Variants in TRAPPC9 observed in about 807,000 individuals in gnomAD.
TRAPPC9 encodes trafficking protein particle complex subunit 9, also known as IKK2 binding protein.
Under a neutral mutation model 124.0 loss-of-function variants are expected in TRAPPC9, and 83 were observed. That is an observed-to-expected ratio of 0.67 (90% CI 0.56 to 0.80). TRAPPC9 has a LOEUF of 0.80. Ranked by LOEUF, TRAPPC9 falls within the 30% of genes least tolerant of loss-of-function variation. TRAPPC9 has a pLI of 0.00. For missense variants in TRAPPC9, 1,302 were observed against 1,508.3 expected (o/e 0.86, Z 2.27); for synonymous variants, 638 against 617.5 (o/e 1.03, Z -0.49).
At chr8:139,756,426 C>T (rs1819786625) in intron 21 of TRAPPC9, among the ~76,000 whole-genome samples, 1 of 125,582 alleles carries the variant, frequency 8.0e-6, no homozygotes. Context: ...CAGGAGGAGC[C>T]AGGGTTTGGG....
intron 8 of TRAPPC9, among the ~76,000 whole-genome samples, chr8:140,360,536 T>C (rs1469439360): frequency 2.0e-5 from 3 of 152,124 alleles, no homozygotes; most frequent in Non-Finnish European, 4.4e-5. Context: ...AAAATACTCA[T>C]ATTTGAAGGG....
At chr8:140,163,429 C>A (rs905824903) in intron 17 of TRAPPC9, among the ~76,000 whole-genome samples, 1 of 152,216 alleles carries the variant, frequency 6.6e-6, no homozygotes, top group Admixed American at 6.5e-5. Context: ...ATTCTGTGTC[C>A]AGTTTTCTGG....
At chr8:140,138,351 T>G (rs974925907) in intron 17 of TRAPPC9, among the ~76,000 whole-genome samples, 6 of 152,002 alleles carry the variant, frequency 3.9e-5, no homozygotes, top group Admixed American at 6.6e-5. Context: ...AATCCTGGAG[T>G]GTACTAAACT....
intron 16 of TRAPPC9, among the ~76,000 whole-genome samples, chr8:140,222,156 T>A: frequency 6.6e-6 from 1 of 152,022 alleles, no homozygotes; most frequent in South Asian, 2.1e-4. Flanking sequence ...CTGGAATGAG[T>A]TCCCCTCCCT....
At chr8:139,760,621 T>TGA (rs1820155137) in intron 21 of TRAPPC9, among the ~76,000 whole-genome samples, 1 of 152,230 alleles carries the variant, frequency 6.6e-6, no homozygotes, top group South Asian at 2.1e-4. Context: ...CTGATCACCC[T>TGA]CCGTATCTGA....
intron 17 of TRAPPC9, among the ~76,000 whole-genome samples, chr8:140,156,909 T>A (rs2061640612): frequency 6.6e-6 from 1 of 152,086 alleles, no homozygotes; most frequent in Non-Finnish European, 1.5e-5. Flanking sequence ...CAGAAAGCTA[T>A]TGTGCTGCAG....
chr8:140,310,746 G>A (rs942834194), intron 10 of TRAPPC9, among the ~76,000 whole-genome samples: 5 of 152,028 alleles, frequency 3.3e-5, no homozygotes, highest in Non-Finnish European at 5.9e-5. Context: ...GAGCATGAAG[G>A]AACAAGGGAG....
At chr8:140,283,810 G>C in intron 14 of TRAPPC9, 79 bp downstream of exon 14, 1 of 1,458,146 alleles carries the variant, frequency 6.9e-7, no homozygotes, top group Non-Finnish European at 9.6e-7. Context: ...GGCTCTTTGT[G>C]CCATTAAAAA....
intron 21 of TRAPPC9, among the ~76,000 whole-genome samples, chr8:139,826,474 T>C (rs1825648664): frequency 6.8e-6 from 1 of 147,838 alleles, no homozygotes; most frequent in South Asian, 2.2e-4. Flanking sequence ...GCAGGGTCGG[T>C]GCCTGGGGGG....
rs377177566 is a variant in TRAPPC9 at position 139,804,383 on chromosome 8, C to G, written c.3056-72181G>C. On this transcript the variant is annotated intron_variant, in intron 21 of 22. Coordinates refer to ENST00000438773, the MANE Select transcript of TRAPPC9 (RefSeq NM_001160372.4). ...CACCACCACCACTCACCACCACCAC[C>G]AAACACCACCACCACACACACAACC... 3.8e-4 allele frequency among the ~76,000 whole-genome samples: 51 copies of G among 134,170 alleles called. 1 individual carries two copies. The highest frequency in any genetic ancestry group is 1.4e-3 in the African/African-American group (49 of 34,996). 88.0% of individuals were successfully genotyped at this position (134,170 alleles called of 152,430 possible). A position where few individuals can be genotyped will look rare whatever the true frequency, so the allele number is the denominator to read the frequency against.
intron 18 of TRAPPC9, among the ~76,000 whole-genome samples, chr8:139,990,551 C>G (rs1837571736): frequency 1.3e-5 from 2 of 152,066 alleles, no homozygotes; most frequent in African/African-American, 4.8e-5. Context: ...GGCGTGTGAC[C>G]TGCTCTCAGG....
chr8:139,791,022 G>C (rs1432181556), intron 21 of TRAPPC9, among the ~76,000 whole-genome samples: 2 of 152,128 alleles, frequency 1.3e-5, no homozygotes, highest in Non-Finnish European at 2.9e-5. Flanking sequence ...ATACTGCCAT[G>C]CTTCCTGGAC....
chr8:140,106,614 G>C (rs900369359), intron 17 of TRAPPC9, among the ~76,000 whole-genome samples: 3 of 152,140 alleles, frequency 2.0e-5, no homozygotes, highest in Non-Finnish European at 4.4e-5. Flanking sequence ...CAGTGAGGTA[G>C]GACAGGGAAA....
intron 17 of TRAPPC9, among the ~76,000 whole-genome samples, chr8:140,032,022 A>G (rs940910447): frequency 6.6e-6 from 1 of 152,184 alleles, no homozygotes; most frequent in African/African-American, 2.4e-5. Flanking sequence ...GCCCAGTGCC[A>G]TAGACCACAG....
chr8:139,856,993 A>G (rs1290506828), intron 21 of TRAPPC9, among the ~76,000 whole-genome samples: 1 of 152,032 alleles, frequency 6.6e-6, no homozygotes, highest in African/African-American at 2.4e-5. Context: ...GGTCTGAGAG[A>G]GGAAGCAGGG....
chr8:139,793,338 C>G (rs981934509), intron 21 of TRAPPC9, among the ~76,000 whole-genome samples: 1 of 152,316 alleles, frequency 6.6e-6, no homozygotes, highest in African/African-American at 2.4e-5. Flanking sequence ...GTGTGCCCTG[C>G]ACTACTTGAT....
In TRAPPC9 at chr8:140,276,511, C is replaced by T. The variant is rs575044515; in HGVS notation, c.2115-690G>A. Among the ~76,000 whole-genome samples the T allele has an allele frequency of 2.0e-5, 3 of 152,254 alleles. No homozygotes were observed. The South Asian group carries it at 6.2e-4, about 32-fold the overall frequency. Reference sequence around the variant, plus strand: ...CGTGCAACACAGAAGCCAGGGCCTCCCCGAGGCTCCTGCACTCAAGCTCTC... The same window carrying T: ...CGTGCAACACAGAAGCCAGGGCCTCTCCGAGGCTCCTGCACTCAAGCTCTC... On this transcript the variant is annotated intron_variant, in intron 14 of 22. Transcript: ENST00000438773.
At chr8:140,349,757 C>T (rs956295509) in intron 9 of TRAPPC9, among the ~76,000 whole-genome samples, 18 of 152,182 alleles carry the variant, frequency 1.2e-4, no homozygotes, top group African/African-American at 3.9e-4. Context: ...TCCAGCAGTG[C>T]CCCTTAAAGC....
chr8:140,129,005 TA>T (rs778829123), intron 17 of TRAPPC9, among the ~76,000 whole-genome samples: 224 of 134,688 alleles, frequency 1.7e-3, no homozygotes, highest in East Asian at 4.2e-3. Flanking sequence ...ATATATATAT[TA>T]AAAAAAAAAA....
Sources: gnomAD v4.1 joint callset for allele counts (sites outside exome capture counted in the v4.1 genomes callset) on GRCh38, gnomAD v4.1.1 for gene constraint, MANE v1.5 for transcripts, NCBI Gene and HGNC (gene_info 2026-07-23, HGNC 2026-07-21) for gene names.